Variants in IFT122 observed in about 807,000 individuals in gnomAD.
IFT122 encodes intraflagellar transport 122, also known as intraflagellar transport protein 122 homolog.
In IFT122, 118 loss-of-function variants were observed where a neutral mutation model predicts 161.6. The observed-to-expected ratio is 0.73, with a 90% confidence interval of 0.63 to 0.85. The LOEUF (loss-of-function observed/expected upper bound fraction) is 0.85, where lower values mean the gene tolerates loss of function less well. Among genes scored for constraint, IFT122 ranks in the 40% least tolerant of loss-of-function variants. The pLI, the probability that IFT122 is intolerant of heterozygous loss-of-function variation, is 0.00. For synonymous variants in IFT122, 550 were observed against 602.4 expected, an observed-to-expected ratio of 0.91 and a Z score of 1.27; for missense variants, 1,381 against 1,579.6, an observed-to-expected ratio of 0.87 and a Z score of 2.13.
At chr3:129,455,044 T>A (rs1288773786) in intron 3 of IFT122, among the ~76,000 whole-genome samples, 2 of 152,192 alleles carry the variant, frequency 1.3e-5, no homozygotes, top group Non-Finnish European at 2.9e-5. Context: ...ACCTGTATAA[T>A]GATTAAGAAG....
chr3:129,487,232 C>T (rs1166522440), intron 15 of IFT122, among the ~76,000 whole-genome samples: 1 of 152,232 alleles, frequency 6.6e-6, no homozygotes, highest in Non-Finnish European at 1.5e-5. Context: ...AAGGCCTTTC[C>T]TTGTTAAAGA....
At chr3:129,467,317 T>C (rs1237861232) in intron 8 of IFT122, among the ~76,000 whole-genome samples, 1 of 152,132 alleles carries the variant, frequency 6.6e-6, no homozygotes, top group Non-Finnish European at 1.5e-5. Context: ...TAAAACCCCA[T>C]CCCCTGAGGA....
Position 129,464,788 on chromosome 3 carries a change from T to C in IFT122, c.563+7T>C, listed in dbSNP as rs371311619. 3.5e-5 allele frequency: 56 copies of C among 1,613,976 alleles called. No individual in the cohort carries two copies. The highest frequency in any genetic ancestry group is 4.5e-5 in the Non-Finnish European group (53 of 1,180,004). ...TCTGCTGGAACCCTTCAAGGTACTC[T>C]TAAAGTTGTCCTCCTTCTAGAACAA... On this transcript the variant is annotated splice_region_variant and intron_variant, in intron 7 of 29. Coordinates refer to ENST00000348417, the MANE Select transcript of IFT122 (RefSeq NM_052989.3).
Position 129,478,015 on chromosome 3 carries a change from G to C in IFT122, c.1148-1G>C, listed in dbSNP as rs755005244. The stretch of plus-strand genomic sequence containing the variant: ...GAACTAGATATTTTTTTCTTTGACA[G>C]TTCGGATTAAATGCAAAGAGCTTGT... On this transcript the variant is annotated splice_acceptor_variant, in intron 11 of 29. Transcript: ENST00000348417. LOFTEE classifies it high-confidence loss of function. 5 of 1,613,484 alleles carry C rather than the reference G, an allele frequency of 3.1e-6. No individual in the cohort carries two copies. The Admixed American group carries it at 8.3e-5, about 27-fold the overall frequency.
At chr3:129,493,705 G>A (rs1173093923) in intron 17 of IFT122, among the ~76,000 whole-genome samples, 2 of 152,220 alleles carry the variant, frequency 1.3e-5, no homozygotes, top group East Asian at 3.8e-4. Context: ...CGGAGCTATT[G>A]CTCAAAATGC....
intron 23 of IFT122, among the ~76,000 whole-genome samples, chr3:129,509,342 G>C (rs758578382): frequency 1.3e-5 from 2 of 152,154 alleles, no homozygotes; most frequent in Non-Finnish European, 2.9e-5. Context: ...GTTGTGAGAG[G>C]ATCAGCTTCG....
intron 1 of IFT122, among the ~76,000 whole-genome samples, chr3:129,443,788 CAT>C (rs1163797022): frequency 6.6e-6 from 1 of 152,090 alleles, no homozygotes; most frequent in African/African-American, 2.4e-5. Flanking sequence ...GCAAATCAGA[CAT>C]ATATGATATA....
intron 4 of IFT122, among the ~76,000 whole-genome samples, chr3:129,459,061 T>A (rs1464084996): frequency 6.6e-6 from 1 of 152,182 alleles, no homozygotes; most frequent in Non-Finnish European, 1.5e-5. Flanking sequence ...CTATTGGGGA[T>A]CTGCCGTGTT....
At chr3:129,454,831 T>C (rs1042810257) in intron 3 of IFT122, among the ~76,000 whole-genome samples, 3 of 152,154 alleles carry the variant, frequency 2.0e-5, no homozygotes, top group Non-Finnish European at 4.4e-5. Context: ...CACAGCACTT[T>C]GCAGAGTCCT....
intron 26 of IFT122, among the ~76,000 whole-genome samples, 189 bp from the exon 27 acceptor site, chr3:129,517,268 GCACACACACACA>G (rs777108020): frequency 8.2e-4 from 96 of 117,112 alleles, no homozygotes; most frequent in Admixed American, 2.9e-3. Context: ...CATTGCTCCT[GCACACACACACA>G]CACACACACA....
intron 1 of IFT122, among the ~76,000 whole-genome samples, chr3:129,448,244 T>C (rs1301182155): frequency 6.6e-6 from 1 of 152,156 alleles, no homozygotes; most frequent in East Asian, 1.9e-4. Flanking sequence ...CAGAGTGAGG[T>C]TACGAGTAGA....
In IFT122 at chr3:129,440,230, G is replaced by T. The variant is rs1041545846; in HGVS notation, c.-101G>T. The T allele has an allele frequency of 4.8e-6, 7 of 1,468,592 alleles. No homozygotes were observed. In the Admixed American group the frequency reaches 1.4e-4, roughly 29 times the overall value. 91.0% of individuals were successfully genotyped at this position (1,468,592 alleles called of 1,614,324 possible). A position where few individuals can be genotyped will look rare whatever the true frequency, so the allele number is the denominator to read the frequency against. On this transcript the variant is annotated 5_prime_UTR_variant, in exon 1 of 30. It adds an upstream start codon to the 5' untranslated region. Transcript: ENST00000348417. Reference sequence around the variant, plus strand: ...CATGTACGTTGCCAGGGGTAACGCAGGTAGCCAAAGTGGCTTGTGGAGTGG... The same window carrying T: ...CATGTACGTTGCCAGGGGTAACGCATGTAGCCAAAGTGGCTTGTGGAGTGG...
In IFT122 at chr3:129,461,017, A is replaced by G. The variant is rs530620979; in HGVS notation, c.273-211A>G. The stretch of plus-strand genomic sequence containing the variant: ...CCAACCTGGCCAAAAGTGAGTCCCC[A>G]TCTCTACAAATAAGAAAACAGTGGG... On this transcript the variant is annotated intron_variant, in intron 4 of 29. Transcript: ENST00000348417. 2.5e-6 allele frequency: 3 copies of G among 1,184,272 alleles called. No individual in the cohort carries two copies. The African/African-American group carries it at 4.5e-5, about 18-fold the overall frequency. 73.4% of individuals were successfully genotyped at this position (1,184,272 alleles called of 1,614,324 possible). A position where few individuals can be genotyped will look rare whatever the true frequency, so the allele number is the denominator to read the frequency against.
chr3:129,465,589 G>A (rs1030704495), intron 7 of IFT122, among the ~76,000 whole-genome samples: 16 of 148,122 alleles, frequency 1.1e-4, no homozygotes, highest in Admixed American at 6.8e-4. Flanking sequence ...TCCTGTCTCA[G>A]CCTCCTGAGT....
Position 129,512,305 on chromosome 3 carries a change from A to C in IFT122, c.2887-7A>C, listed in dbSNP as rs938496737. The C allele has an allele frequency of 6.2e-7, 1 of 1,606,950 alleles. No individual in the cohort carries two copies. The highest frequency in any genetic ancestry group is 8.5e-7 in the Non-Finnish European group (1 of 1,173,614). On this transcript the variant is annotated splice_region_variant and splice_polypyrimidine_tract_variant and intron_variant, in intron 23 of 29. Transcript: ENST00000348417. ...CTCAATCCCTGTTTGCTTTTCTCTC[A>C]CTGCAGGAAGATCCGTTCAGTGTCC...
chr3:129,492,282 A>G, intron 17 of IFT122, 88 bp downstream of exon 17: 1 of 1,046,082 alleles, frequency 9.6e-7, no homozygotes, highest in Non-Finnish European at 1.5e-6. Context: ...AAGAGCCTTG[A>G]GGACATGGGA....
rs2077245290 is a variant in IFT122 at position 129,470,419 on chromosome 3, AC to A, written c.816+1003del. On this transcript the variant is annotated intron_variant, in intron 9 of 29. Coordinates refer to ENST00000348417, the MANE Select transcript of IFT122 (RefSeq NM_052989.3). ...GCTGGGACTACAGGCGCCCACCACC[AC>A]GCCTGGCTAATATTTTTTGTATTTT... 2.6e-5 allele frequency among the ~76,000 whole-genome samples: 4 copies of A among 151,868 alleles called. No individual in the cohort carries two copies. In the South Asian group the frequency reaches 8.3e-4, roughly 32 times the overall value.
At chr3:129,503,142 G>A (rs547261304) in intron 20 of IFT122, among the ~76,000 whole-genome samples, 1 of 152,330 alleles carries the variant, frequency 6.6e-6, no homozygotes, top group Non-Finnish European at 1.5e-5. Flanking sequence ...GACAGGCACC[G>A]GGGATGTTAG....
Position 129,495,617 on chromosome 3 carries a change from C to T in IFT122, c.2208+10C>T. On this transcript the variant is annotated intron_variant, in intron 18 of 29. Coordinates refer to ENST00000348417, the MANE Select transcript of IFT122 (RefSeq NM_052989.3). ...GTTTGAGTATGCCAAGGTAACCTAC[C>T]CTGTCCCAGGCCCAAGCTCCAGCTT... 1 of 1,614,112 alleles carries T rather than the reference C, an allele frequency of 6.2e-7. No individual in the cohort carries two copies. Among genetic ancestry groups the T allele is most frequent in the Non-Finnish European group, 8.5e-7 (1 of 1,179,984 alleles).
Sources: allele counts gnomAD v4.1 joint callset (sites outside exome capture counted in the v4.1 genomes callset), GRCh38; gene constraint gnomAD v4.1.1; transcripts MANE v1.5; gene names NCBI Gene and HGNC (gene_info 2026-07-23, HGNC 2026-07-21).